Variants in POU6F2 observed in about 807,000 individuals in gnomAD.
POU6F2 encodes the protein POU domain, class 6, transcription factor 2.
Under a neutral mutation model 71.3 loss-of-function variants are expected in POU6F2, and 31 were observed. The observed-to-expected ratio is 0.43, with a 90% confidence interval of 0.33 to 0.59. The LOEUF is 0.59. Among genes scored for constraint, POU6F2 ranks in the 20% least tolerant of loss-of-function variants. The probability of loss-of-function intolerance (pLI) is 0.04; values close to 1 mark genes in which losing one functional copy is unlikely to be tolerated. For synonymous variants in POU6F2, 347 were observed against 355.7 expected (o/e 0.98, Z 0.27); for missense variants, 783 against 856.8 (o/e 0.91, Z 1.07).
chr7:39,271,705 A>G (rs1784343207), intron 4 of POU6F2, among the ~76,000 whole-genome samples: 1 of 152,222 alleles, frequency 6.6e-6, no homozygotes. Flanking sequence ...ACTTTCCGTC[A>G]GTAACATGCC....
At chr7:39,426,228 C>T (rs13240157) in intron 6 of POU6F2, among the ~76,000 whole-genome samples, 2 of 152,330 alleles carry the variant, frequency 1.3e-5, no homozygotes, top group South Asian at 4.1e-4. Flanking sequence ...TTCCTGCTCT[C>T]TGGACCAGCC....
At chr7:39,025,355 A>G (rs1789775973) in intron 1 of POU6F2, among the ~76,000 whole-genome samples, 1 of 152,208 alleles carries the variant, frequency 6.6e-6, no homozygotes, top group Admixed American at 6.5e-5. Flanking sequence ...ACTACACTAC[A>G]AGGCTATAGT....
intron 1 of POU6F2, among the ~76,000 whole-genome samples, chr7:39,053,053 G>T (rs1341822035): frequency 6.6e-6 from 1 of 152,126 alleles, no homozygotes; most frequent in African/African-American, 2.4e-5. Flanking sequence ...TTGGGCAGGG[G>T]TGTGGGGTAT....
intron 2 of POU6F2, among the ~76,000 whole-genome samples, chr7:39,164,313 A>T (rs1006831910): frequency 2.0e-5 from 3 of 150,038 alleles, no homozygotes; most frequent in African/African-American, 7.3e-5. Flanking sequence ...ATGCTTTTCA[A>T]ATGAAATCAT....
Position 39,464,188 on chromosome 7 carries a change from C to T in POU6F2, c.1665C>T (p.Thr555=), listed in dbSNP as rs1375917194. Residue 555 remains threonine (T), a synonymous_variant, in exon 10 of 10, where the codon ACC becomes ACT. Coordinates refer to ENST00000518318, the MANE Select transcript of POU6F2 (RefSeq NM_001370959.1). The surrounding 1 kb of genome is among the most constrained non-coding windows in gnomAD (Gnocchi z 4.1). ...AYSQSAICRH[T]ILRSHFFLPQ... is the part of the protein sequence containing the mutation. ...TCTCAATTTTCCCCCCCAGACACAC[C>T]ATCCTGAGAAGCCACTTTTTCCTAC... 1 of 1,613,358 alleles carries T rather than the reference C, an allele frequency of 6.2e-7. No homozygotes were observed. The highest frequency in any genetic ancestry group is 1.7e-5 in the Admixed American group (1 of 60,002).
At chr7:39,242,540 T>A (rs1048506889) in intron 4 of POU6F2, among the ~76,000 whole-genome samples, 1 of 151,964 alleles carries the variant, frequency 6.6e-6, no homozygotes, top group Non-Finnish European at 1.5e-5. Context: ...AAAGAAAGGC[T>A]TTTTTGGGGG....
At chr7:39,363,030 C>G (rs942126288) in intron 5 of POU6F2, among the ~76,000 whole-genome samples, 1 of 152,042 alleles carries the variant, frequency 6.6e-6, no homozygotes, top group African/African-American at 2.4e-5. Flanking sequence ...AGCTAGTACT[C>G]GGAATAAAAC....
At chr7:39,329,401 C>G (rs983264207) in intron 4 of POU6F2, among the ~76,000 whole-genome samples, 5 of 152,010 alleles carry the variant, frequency 3.3e-5, no homozygotes, top group Non-Finnish European at 7.4e-5. Context: ...AGGGCAATTT[C>G]TACTTTCTTA....
intron 7 of POU6F2, among the ~76,000 whole-genome samples, chr7:39,440,871 C>CTTGTTGTTG (rs201369280): frequency 2.6e-5 from 4 of 151,804 alleles, no homozygotes; most frequent in Admixed American, 1.3e-4. Flanking sequence ...TTTGTGAGGG[C>CTTGTTGTTG]TTGTTGTTGT....
At chr7:39,139,704 T>A (rs1275510941) in intron 2 of POU6F2, among the ~76,000 whole-genome samples, 1 of 152,198 alleles carries the variant, frequency 6.6e-6, no homozygotes, top group East Asian at 1.9e-4. Flanking sequence ...AGAGGATTTC[T>A]TTGAATCAGG....
At position 39,465,045 on chromosome 7, in the gene POU6F2, A is replaced by T. The variant is rs559940627; in HGVS notation, c.*359A>T. ...ACGTACTTTTTTCTGTATATTATGA[A>T]AATGTGAACACATTTTAAGGAAAAA... On this transcript the variant is annotated 3_prime_UTR_variant, in exon 10 of 10. Coordinates refer to ENST00000518318, the MANE Select transcript of POU6F2 (RefSeq NM_001370959.1). 1 of 186,790 alleles carries T rather than the reference A, an allele frequency of 5.4e-6. No individual in the cohort carries two copies. Among genetic ancestry groups the T allele is most frequent in the Admixed American group, 5.7e-5 (1 of 17,618 alleles). 11.6% of individuals were successfully genotyped at this position (186,790 alleles called of 1,614,324 possible). A position where few individuals can be genotyped will look rare whatever the true frequency, so the allele number is the denominator to read the frequency against.
chr7:39,257,443 G>C (rs1784046957), intron 4 of POU6F2, among the ~76,000 whole-genome samples: 1 of 151,962 alleles, frequency 6.6e-6, no homozygotes, highest in Non-Finnish European at 1.5e-5. Context: ...TATTCGTATT[G>C]GTTTTGCTTT....
intron 2 of POU6F2, among the ~76,000 whole-genome samples, chr7:39,107,027 TTTTC>T (rs1315451678): frequency 6.6e-6 from 1 of 150,684 alleles, no homozygotes; most frequent in African/African-American, 2.4e-5. Context: ...CCTTTTTTCT[TTTTC>T]TTTCTTTCTT....
intron 6 of POU6F2, among the ~76,000 whole-genome samples, chr7:39,412,824 C>T (rs559419979): frequency 2.8e-4 from 11 of 39,028 alleles, no homozygotes; most frequent in East Asian, 1.5e-3. Flanking sequence ...TTTTTTGAGA[C>T]GGAGTCTTGC....
intron 1 of POU6F2, among the ~76,000 whole-genome samples, chr7:39,020,605 T>A (rs928258519): frequency 1.3e-5 from 2 of 152,170 alleles, no homozygotes; most frequent in Admixed American, 1.3e-4. Flanking sequence ...CCTCTTTTAC[T>A]CTTTCTCCTC....
At chr7:39,053,318 A>G (rs947542420) in intron 1 of POU6F2, among the ~76,000 whole-genome samples, 1 of 152,100 alleles carries the variant, frequency 6.6e-6, no homozygotes, top group African/African-American at 2.4e-5. Context: ...GCCTTTTCTC[A>G]TTGGATCCCT....
chr7:39,424,597 C>T (rs1410208228), intron 6 of POU6F2, among the ~76,000 whole-genome samples: 1 of 152,158 alleles, frequency 6.6e-6, no homozygotes, highest in Non-Finnish European at 1.5e-5. Flanking sequence ...GTTACAATGA[C>T]TCCTCACTTA....
intron 2 of POU6F2, among the ~76,000 whole-genome samples, chr7:39,143,791 C>G (rs954034402): frequency 6.6e-6 from 1 of 152,204 alleles, no homozygotes; most frequent in Non-Finnish European, 1.5e-5. Flanking sequence ...TATTGAGGAT[C>G]TGGACAGTTA....
chr7:39,018,991 A>G (rs1249374026), intron 1 of POU6F2, among the ~76,000 whole-genome samples: 1 of 152,158 alleles, frequency 6.6e-6, no homozygotes, highest in Non-Finnish European at 1.5e-5. Context: ...GGACGATTGC[A>G]TGACCAACTT....
Sources: allele counts gnomAD v4.1 joint callset (sites outside exome capture counted in the v4.1 genomes callset), GRCh38; gene constraint gnomAD v4.1.1; non-coding constraint Gnocchi (gnomAD v3.1); transcripts MANE v1.5; gene names NCBI Gene and HGNC (gene_info 2026-07-23, HGNC 2026-07-21).